The following SH3TC2 variants were observed in gnomAD, a reference collection of about 807,000 sequenced individuals.
The protein encoded by SH3TC2 is SH3 domain and tetratricopeptide repeat-containing protein 2.
In SH3TC2, 87 loss-of-function variants were observed where a neutral mutation model predicts 124.5. The observed-to-expected ratio is 0.70, with a 90% confidence interval of 0.59 to 0.84. SH3TC2 has a LOEUF of 0.84. SH3TC2 is among the 40% of genes least tolerant of loss of function. The pLI is 0.00. For missense variants in SH3TC2, 1,536 were observed against 1,566.4 expected, an observed-to-expected ratio of 0.98 and a Z score of 0.33; for synonymous variants, 634 against 628.5, an observed-to-expected ratio of 1.01 and a Z score of -0.13.
At chr5:149,023,267 T>C (rs1014062725) in intron 12 of SH3TC2, among the ~76,000 whole-genome samples, 2 of 152,180 alleles carry the variant, frequency 1.3e-5, no homozygotes, top group Non-Finnish European at 2.9e-5. Context: ...AGGGCTCCCA[T>C]AGTGTGATAA....
At chr5:149,021,255 T>C (rs1580896364) in intron 12 of SH3TC2, among the ~76,000 whole-genome samples, 1 of 152,242 alleles carries the variant, frequency 6.6e-6, no homozygotes, top group South Asian at 2.1e-4. Flanking sequence ...AAACACAGCA[T>C]ACTGAAATAT....
chr5:149,032,854 C>T (rs964045210), intron 8 of SH3TC2, among the ~76,000 whole-genome samples: 11 of 152,174 alleles, frequency 7.2e-5, no homozygotes, highest in Admixed American at 5.9e-4. Context: ...TAGTACCACA[C>T]TGACTGGGCC....
In SH3TC2 at chr5:148,982,615, A is replaced by T. The variant is rs1016806447; in HGVS notation, c.*22096T>A. Reference sequence around the variant, plus strand: ...TCATATGAAAGATTTTCCAAGATTTACATTTTGAAATAAGCAAGGTACAAA... The same window carrying T: ...TCATATGAAAGATTTTCCAAGATTTTCATTTTGAAATAAGCAAGGTACAAA... On this transcript the variant is annotated 3_prime_UTR_variant, in exon 17 of 17. Transcript: ENST00000515425. Among the ~76,000 whole-genome samples the T allele has an allele frequency of 6.6e-6, 1 of 152,238 alleles. No individual in the cohort carries two copies. Among genetic ancestry groups the T allele is most frequent in the Non-Finnish European group, 1.5e-5 (1 of 68,042 alleles).
At chr5:149,012,264 A>G (rs905292808) in intron 13 of SH3TC2, among the ~76,000 whole-genome samples, 2 of 152,220 alleles carry the variant, frequency 1.3e-5, no homozygotes, top group Non-Finnish European at 2.9e-5. Context: ...GTCAAGGTGT[A>G]TGTTGAGCTT....
Position 149,009,015 on chromosome 5 carries a change from C to A in SH3TC2, c.3328-14G>T. ...AACAGCTCCAGCCTAGGAACAGAAG[C>A]CCAAGGAACCTTAGTCTAGCTAGGA... On this transcript the variant is annotated splice_polypyrimidine_tract_variant and intron_variant, in intron 14 of 16. Coordinates refer to ENST00000515425, the MANE Select transcript of SH3TC2 (RefSeq NM_024577.4). 1 of 1,614,144 alleles carries A rather than the reference C, an allele frequency of 6.2e-7. No individual in the cohort carries two copies. Among genetic ancestry groups the A allele is most frequent in the Admixed American group, 1.7e-5 (1 of 60,016 alleles).
intron 8 of SH3TC2, among the ~76,000 whole-genome samples, chr5:149,037,747 T>C (rs1195659821): frequency 2.0e-5 from 3 of 152,148 alleles, no homozygotes; most frequent in African/African-American, 7.2e-5. Flanking sequence ...CTTCTCCTGA[T>C]TGGCCAGGCA....
rs2127397336 is a variant in SH3TC2, at chr5:149,027,650, CT to C, written c.2081del (p.Gln694ArgfsTer57). ...YLPHLAVASVQQHGIQSAQGM... is the reference protein window; with the variant it reads ...YLPHLAVASVXQHGIQSAQGM... ...CTTGGGCACTCTGGATACCATGTTG[CT>C]GGACAGAGGCCACTGCAAGGTGTGG... On this transcript the variant is annotated frameshift_variant, in exon 11 of 17. Coordinates refer to ENST00000515425, the MANE Select transcript of SH3TC2 (RefSeq NM_024577.4). LOFTEE classifies it high-confidence loss of function. 1 of 1,614,236 alleles carries C rather than the reference CT, an allele frequency of 6.2e-7. No individual in the cohort carries two copies. The highest frequency in any genetic ancestry group is 2.2e-5 in the East Asian group (1 of 44,886).
intron 12 of SH3TC2, chr5:149,026,195 A>G (rs1346431780): frequency 7.6e-6 from 2 of 263,790 alleles, no homozygotes; most frequent in African/African-American, 4.4e-5. Flanking sequence ...AGCCTCAGTC[A>G]TGATCCTGTG....
In SH3TC2 at chr5:148,991,067, G is replaced by T. The variant is rs1342300228; in HGVS notation, c.*13644C>A. Among the ~76,000 whole-genome samples, 3 of 151,902 alleles carry T rather than the reference G, an allele frequency of 2.0e-5. No homozygotes were observed. Among genetic ancestry groups the T allele is most frequent in the Non-Finnish European group, 4.4e-5 (3 of 67,990 alleles). The stretch of plus-strand genomic sequence containing the variant: ...TGAACATCTGTTGACACTTTCCAGG[G>T]GACTTTCAAAACCCCAATCCCTCAG... On this transcript the variant is annotated 3_prime_UTR_variant, in exon 17 of 17. Transcript: ENST00000515425.
intron 12 of SH3TC2, among the ~76,000 whole-genome samples, chr5:149,024,166 G>T (rs1001064703): frequency 6.6e-6 from 1 of 152,138 alleles, no homozygotes; most frequent in African/African-American, 2.4e-5. Context: ...CCTGAGCAAA[G>T]GAGCCAGGGA....
intron 5 of SH3TC2, among the ~76,000 whole-genome samples, chr5:149,041,920 T>G (rs1754378101): frequency 6.6e-6 from 1 of 152,186 alleles, no homozygotes; most frequent in Admixed American, 6.5e-5. Context: ...GAAAATATAT[T>G]TATATTTAAT....
intron 1 of SH3TC2, among the ~76,000 whole-genome samples, chr5:149,056,727 T>C (rs907010211): frequency 1.2e-4 from 19 of 152,196 alleles, no homozygotes; most frequent in African/African-American, 4.6e-4. Context: ...AAAATTAGAA[T>C]GCATTCTATA....
chr5:148,994,764 A>G lies in SH3TC2; in HGVS notation c.*9947T>C, dbSNP rs1483761010. 6.6e-6 allele frequency among the ~76,000 whole-genome samples: 1 copy of G among 152,084 alleles called. No homozygotes were observed. Among genetic ancestry groups the G allele is most frequent in the Non-Finnish European group, 1.5e-5 (1 of 67,994 alleles). On this transcript the variant is annotated 3_prime_UTR_variant, in exon 17 of 17. Transcript: ENST00000515425. ...AATAGATGGATGAATAGATGGATGA[A>G]TAGATGGATAACCGTCTGCATCCTC...
Position 149,028,495 on chromosome 5 carries a change from C to T in SH3TC2, c.1237G>A (p.Ala413Thr), listed in dbSNP as rs772403689. The T allele has an allele frequency of 1.2e-6, 2 of 1,613,408 alleles. No homozygotes were observed. Among genetic ancestry groups the T allele is most frequent in the South Asian group, 2.2e-5 (2 of 91,040 alleles). The change falls in exon 11 of 17, where the codon GCC becomes ACC. Residue 413 changes from alanine to threonine, a missense_variant. Ala to Thr is a moderately conservative substitution (Grantham distance 58). Transcript: ENST00000515425. ...CTGCTGGACTGTCTGGACCCCACGG[C>T]CTGATGCTCCTCCCAGGCTCTGCCA... is the stretch of plus-strand genomic sequence containing the variant. ...RPGRAWEEHQ[A>T]VGSRQSSSSE...
rs1374257859 is a variant in SH3TC2 at position 149,000,904 on chromosome 5, C to T, written c.*3807G>A. Among the ~76,000 whole-genome samples, 3 of 152,162 alleles carry T rather than the reference C, an allele frequency of 2.0e-5. No homozygotes were observed. In the East Asian group the frequency reaches 5.8e-4, roughly 29 times the overall value. ...AATACTATTTCTCATCCTATTCATA[C>T]AGTATAAAAATAGCACTGCTGAAAA... On this transcript the variant is annotated 3_prime_UTR_variant, in exon 17 of 17. Transcript: ENST00000515425.
rs1232844415 is a variant in SH3TC2 at position 149,004,421 on chromosome 5, A to C, written c.*290T>G. The C allele has an allele frequency of 2.5e-6, 1 of 407,256 alleles. No individual in the cohort carries two copies. The highest frequency in any genetic ancestry group is 2.0e-5 in the African/African-American group (1 of 50,172). The allele number at this position is 407,256 out of a possible 1,614,324, so 25.2% of individuals were successfully genotyped here. A position where few individuals can be genotyped will look rare whatever the true frequency, so the allele number is the denominator to read the frequency against. On this transcript the variant is annotated 3_prime_UTR_variant, in exon 17 of 17. Coordinates refer to ENST00000515425, the MANE Select transcript of SH3TC2 (RefSeq NM_024577.4). ...GGGCAAGATCCCTCATCTTCTCCAG[A>C]ATTATGTATGGAGAAAGTGCTTTTC...
chr5:149,020,570 A>G (rs928678421), intron 12 of SH3TC2, among the ~76,000 whole-genome samples: 1 of 152,252 alleles, frequency 6.6e-6, no homozygotes, highest in Non-Finnish European at 1.5e-5. Context: ...TTTCTACTAC[A>G]TGCTGCCTAC....
intron 1 of SH3TC2, chr5:149,062,466 C>T (rs1333360419): frequency 2.1e-6 from 1 of 481,434 alleles, no homozygotes; most frequent in African/African-American, 2.0e-5. Context: ...ATTGCCTCAA[C>T]TTGATGCACA....
chr5:149,024,686 C>T (rs1754034608), intron 12 of SH3TC2, among the ~76,000 whole-genome samples: 2 of 152,174 alleles, frequency 1.3e-5, no homozygotes, highest in Non-Finnish European at 1.5e-5. Context: ...GTTTTGATTG[C>T]TTTCCTCCCA....
Sources: gnomAD v4.1 joint callset for allele counts (sites outside exome capture counted in the v4.1 genomes callset) on GRCh38, gnomAD v4.1.1 for gene constraint, MANE v1.5 for transcripts, NCBI Gene and HGNC (gene_info 2026-07-23, HGNC 2026-07-21) for gene names.